TRIM36: variants seen among roughly 807,000 people sequenced by gnomAD.
TRIM36 encodes the protein E3 ubiquitin-protein ligase TRIM36.
In TRIM36, 42 loss-of-function variants were observed where a neutral mutation model predicts 72.4. The ratio of observed to expected loss-of-function variants is 0.58; its 90% CI spans 0.45 to 0.75. The LOEUF (loss-of-function observed/expected upper bound fraction) is 0.75. TRIM36 is among the 30% of genes least tolerant of loss of function. The pLI, the probability that TRIM36 is intolerant of heterozygous loss-of-function variation, is 0.00. For synonymous variants in TRIM36, 315 were observed against 282.8 expected, an observed-to-expected ratio of 1.11 and a Z score of -1.14; for missense variants, 913 against 857.1, an observed-to-expected ratio of 1.07 and a Z score of -0.81.
chr5:115,140,882 G>C (rs541323557), intron 5 of TRIM36, among the ~76,000 whole-genome samples: 18 of 152,240 alleles, frequency 1.2e-4, no homozygotes, highest in Non-Finnish European at 2.2e-4. Context: ...CAGGAATACC[G>C]GGAATTTAAA....
At chr5:115,127,716 A>G (rs1194535993) in intron 9 of TRIM36, among the ~76,000 whole-genome samples, 4 of 152,214 alleles carry the variant, frequency 2.6e-5, no homozygotes, top group African/African-American at 7.2e-5. Context: ...AATTATGTAC[A>G]TTATGTAATA....
chr5:115,177,711 T>TC, intron 1 of TRIM36: 2 of 1,613,474 alleles, frequency 1.2e-6, no homozygotes, highest in South Asian at 1.1e-5. Context: ...AGACCAACTC[T>TC]CCCCCTCCAA....
rs770284691 is a variant in TRIM36, at chr5:115,137,448, T to C, written c.1000A>G (p.Asn334Asp). 1 of 1,614,168 alleles carries C rather than the reference T, an allele frequency of 6.2e-7. No individual in the cohort carries two copies. The highest frequency in any genetic ancestry group is 1.1e-5 in the South Asian group (1 of 91,082). The part of the protein sequence containing the change: ...MEEYQGLLEN[N>D]GLVGYAQEVL... ...TCTTGAGCATATCCCACAAGTCCAT[T>C]GTTCTCTAGAAGTCCCTGGTACTCT... Residue 334 changes from asparagine to aspartate, a missense_variant, in exon 6 of 10, where the codon AAT becomes GAT. Transcript: ENST00000513154.
In TRIM36 at chr5:115,126,434, T is replaced by C; in HGVS notation, c.*69A>G. On this transcript the variant is annotated 3_prime_UTR_variant, in exon 10 of 10. Transcript: ENST00000513154. ...AGAACACTCAGCGATATGTAATTAG[T>C]TACGAAGGTTAACGCTAAGGCATTG... is the stretch of plus-strand genomic sequence containing the variant. The C allele has an allele frequency of 8.0e-7, 1 of 1,242,802 alleles. No homozygotes were observed. Among genetic ancestry groups the C allele is most frequent in the Admixed American group, 2.3e-5 (1 of 43,176 alleles). The allele number at this position is 1,242,802 out of a possible 1,614,324, so 77.0% of individuals were successfully genotyped here. A position where few individuals can be genotyped will look rare whatever the true frequency, so the allele number is the denominator to read the frequency against.
intron 1 of TRIM36, among the ~76,000 whole-genome samples, chr5:115,179,254 C>T (rs1264909508): frequency 6.6e-6 from 1 of 152,200 alleles, no homozygotes; most frequent in South Asian, 2.1e-4. Context: ...TGACTCAGGC[C>T]CGGCACCACC....
chr5:115,141,273 A>T lies in TRIM36; in HGVS notation c.831+6T>A, dbSNP rs779971761. The T allele has an allele frequency of 1.9e-6, 3 of 1,575,740 alleles. No individual in the cohort carries two copies. The highest frequency in any genetic ancestry group is 4.6e-5 in the East Asian group (2 of 43,844). On this transcript the variant is annotated splice_donor_region_variant and intron_variant, in intron 5 of 9. Coordinates refer to ENST00000513154, the MANE Select transcript of TRIM36 (RefSeq NM_001300759.2). ...TTTAAAATATGCAAGCTAGTTTATC[A>T]CTTACCTCTGTTTCTTTCATTAACA...
intron 7 of TRIM36, 110 bp downstream of exon 7, chr5:115,136,890 G>T: frequency 9.1e-7 from 1 of 1,099,956 alleles, no homozygotes; most frequent in Non-Finnish European, 1.2e-6. Context: ...ATAGTCCTGG[G>T]CAAGTGAGAT....
At chr5:115,170,660 T>A (rs1755068139), upstream of TRIM36, among the ~76,000 whole-genome samples, 1 of 152,236 alleles carries the variant, frequency 6.6e-6, no homozygotes, top group African/African-American at 2.4e-5. Context: ...AGTCGCGATG[T>A]CACCGCACGT....
intron 2 of TRIM36, among the ~76,000 whole-genome samples, chr5:115,155,067 T>C (rs1039814982): frequency 6.6e-6 from 1 of 151,942 alleles, no homozygotes; most frequent in African/African-American, 2.4e-5. Context: ...TGCATGCTTG[T>C]AATCCCAGCT....
In TRIM36 at chr5:115,140,388, TTAAA is replaced by T. The variant is rs540331041; in HGVS notation, c.831+887_831+890del. Among the ~76,000 whole-genome samples, 55 of 152,336 alleles carry T rather than the reference TTAAA, an allele frequency of 3.6e-4. 1 individual carries two copies. In the East Asian group the frequency reaches 9.8e-3, roughly 27 times the overall value. ...ATCCAATCCCCTTTTACTATTATTT[TTAAA>T]ATGCTGTTATCTTTTCTAATTTTTT... On this transcript the variant is annotated intron_variant, in intron 5 of 9. Transcript: ENST00000513154.
intron 2 of TRIM36, among the ~76,000 whole-genome samples, chr5:115,147,985 T>A (rs761724364): frequency 1.1e-4 from 17 of 152,210 alleles, no homozygotes; most frequent in Admixed American, 2.6e-4. Context: ...GACCACAAAA[T>A]TTTTAACAAC....
intron 1 of TRIM36, chr5:115,177,794 C>G: frequency 6.2e-7 from 1 of 1,614,110 alleles, no homozygotes; most frequent in East Asian, 2.2e-5. Context: ...TCAGAGATTT[C>G]AAAGGGACAG....
chr5:115,154,335 T>C (rs1754053012), intron 2 of TRIM36, among the ~76,000 whole-genome samples: 1 of 145,522 alleles, frequency 6.9e-6, no homozygotes, highest in Non-Finnish European at 1.5e-5. Context: ...ATAAGCAAGA[T>C]CAGAGCAGAA....
chr5:115,131,711 T>C (rs1752690389), intron 8 of TRIM36, among the ~76,000 whole-genome samples: 1 of 152,202 alleles, frequency 6.6e-6, no homozygotes, highest in African/African-American at 2.4e-5. Flanking sequence ...ACAACATGTA[T>C]GATACATGCT....
Position 115,137,089 on chromosome 5 carries a change from C to A in TRIM36, c.1121G>T (p.Arg374Ile), listed in dbSNP as rs773052655. The change falls in exon 7 of 10, where the codon AGA becomes ATA. Residue 374 changes from arginine (R) to isoleucine (I), a missense_variant. Arg to Ile is a moderately conservative substitution (Grantham distance 97). Transcript: ENST00000513154. Reference sequence around the variant, plus strand: ...TTCAAAAGAAGTCTGAGCTGCAGGTCTAAAGCTCTTCAAAGATTCTGTGGC... The same window carrying A: ...TTCAAAAGAAGTCTGAGCTGCAGGTATAAAGCTCTTCAAAGATTCTGTGGC... ...QKATESLKSF[R>I]PAAQTSFEDY... 5.0e-6 allele frequency: 8 copies of A among 1,607,784 alleles called. No homozygotes were observed. The highest frequency in any genetic ancestry group is 6.8e-6 in the Non-Finnish European group (8 of 1,178,074).
intron 2 of TRIM36, among the ~76,000 whole-genome samples, chr5:115,152,787 AAG>A (rs1753964795): frequency 6.6e-6 from 1 of 152,196 alleles, no homozygotes; most frequent in South Asian, 2.1e-4. Context: ...AAGGAAAGGT[AAG>A]AGTCTTTTTC....
In TRIM36 at chr5:115,137,132, CAG is replaced by C. The variant is rs756032755; in HGVS notation, c.1086-10_1086-9del. ...TCTGTGGCTTTCTGTATTCTGCAGACAGATATTTTATATAAAAATGTTTCTTT... is the reference window on the plus strand; with the variant it reads ...TCTGTGGCTTTCTGTATTCTGCAGACATATTTTATATAAAAATGTTTCTTT... On this transcript the variant is annotated splice_polypyrimidine_tract_variant and intron_variant, in intron 6 of 9. Coordinates refer to ENST00000513154, the MANE Select transcript of TRIM36 (RefSeq NM_001300759.2). The C allele has an allele frequency of 7.0e-6, 11 of 1,567,144 alleles. No homozygotes were observed. Among genetic ancestry groups the C allele is most frequent in the South Asian group, 1.2e-5 (1 of 83,512 alleles).
At chr5:115,148,190 A>T in intron 2 of TRIM36, 1 of 272,850 alleles carries the variant, frequency 3.7e-6, no homozygotes, top group Non-Finnish European at 5.6e-6. Flanking sequence ...AAGATTACTT[A>T]ACTCAGTAAG....
At chr5:115,175,341 A>G (rs1755285194) in intron 1 of TRIM36, among the ~76,000 whole-genome samples, 1 of 152,206 alleles carries the variant, frequency 6.6e-6, no homozygotes, top group Non-Finnish European at 1.5e-5. Flanking sequence ...TGTCGATAAC[A>G]GTATTAGGAA....
Sources: allele counts gnomAD v4.1 joint callset (sites outside exome capture counted in the v4.1 genomes callset), GRCh38; gene constraint gnomAD v4.1.1; transcripts MANE v1.5; gene names NCBI Gene and HGNC (gene_info 2026-07-23, HGNC 2026-07-21).